Variants in DNAH5 observed in about 807,000 individuals in gnomAD.
The protein encoded by DNAH5 is axonemal beta dynein heavy chain 5.
A neutral mutation model predicts 518.2 loss-of-function variants in DNAH5; 372 were observed. The ratio of observed to expected loss-of-function variants is 0.72; its 90% CI spans 0.66 to 0.78. The LOEUF is 0.78. DNAH5 is among the 30% of genes least tolerant of loss of function. The pLI is 0.00. For missense variants in DNAH5, 5,523 were observed against 5,687.0 expected (o/e 0.97, Z 0.93); for synonymous variants, 2,039 against 2,025.9 (o/e 1.01, Z -0.17).
In DNAH5 at chr5:13,776,711, A is replaced by G; in HGVS notation, c.9106-5T>C. On this transcript the variant is annotated splice_region_variant and splice_polypyrimidine_tract_variant and intron_variant, in intron 54 of 78. Transcript: ENST00000265104. ...TCGAGCAAATAGGTTAGAGACCTTA[A>G]AAAGAAGTACAGGCATGCAAATTCA... 1 of 1,613,514 alleles carries G rather than the reference A, an allele frequency of 6.2e-7. No homozygotes were observed. The highest frequency in any genetic ancestry group is 8.5e-7 in the Non-Finnish European group (1 of 1,179,710).
intron 21 of DNAH5, among the ~76,000 whole-genome samples, chr5:13,881,479 C>T (rs897073361): frequency 2.6e-5 from 4 of 151,704 alleles, no homozygotes; most frequent in East Asian, 1.9e-4. Flanking sequence ...CCAAACCAAG[C>T]GTATGAAACT....
intron 3 of DNAH5, among the ~76,000 whole-genome samples, chr5:13,925,168 A>T (rs1211818517): frequency 6.6e-6 from 1 of 152,162 alleles, no homozygotes; most frequent in East Asian, 1.9e-4. Context: ...TCAAAATTGC[A>T]TCCCGCTCCT....
intron 1 of DNAH5, among the ~76,000 whole-genome samples, chr5:13,939,435 C>A (rs1580982371): frequency 1.3e-5 from 2 of 152,150 alleles, no homozygotes; most frequent in Non-Finnish European, 2.9e-5. Context: ...ACCTGCCTCC[C>A]GTTTTATTTT....
At chr5:13,776,274 T>C (rs1221829652) in intron 55 of DNAH5, among the ~76,000 whole-genome samples, 165 bp downstream of exon 55, 1 of 152,164 alleles carries the variant, frequency 6.6e-6, no homozygotes, top group Non-Finnish European at 1.5e-5. Flanking sequence ...CAAACCTACT[T>C]AAAAAGAACA....
Position 13,810,047 on chromosome 5 carries a change from A to T in DNAH5, c.7609+12T>A, listed in dbSNP as rs1473595224. On this transcript the variant is annotated intron_variant, in intron 45 of 78. Transcript: ENST00000265104. ...CCCCATGGGTTCCGTCTGGACGGGC[A>T]GGTGTCCTCACCATCGGGCGCCACA... 6.4e-7 allele frequency: 1 copy of T among 1,550,868 alleles called. No homozygotes were observed. Among genetic ancestry groups the T allele is most frequent in the African/African-American group, 1.4e-5 (1 of 73,216 alleles).
chr5:13,911,241 T>C, intron 12 of DNAH5, 145 bp downstream of exon 12: 1 of 689,634 alleles, frequency 1.5e-6, no homozygotes, highest in Middle Eastern at 2.4e-4. Context: ...TAATCTGAAA[T>C]CACGAAACAC....
At position 13,894,609 on chromosome 5, in the gene DNAH5, C is replaced by T; in HGVS notation, c.2431+41G>A. On this transcript the variant is annotated intron_variant, in intron 16 of 78. Coordinates refer to ENST00000265104, the MANE Select transcript of DNAH5 (RefSeq NM_001369.3). Reference sequence around the variant, plus strand: ...TATTCAACAGATGTTAGGAACTCAGCCTTTAGAATTCAGAAATACTAATTA... The same window carrying T: ...TATTCAACAGATGTTAGGAACTCAGTCTTTAGAATTCAGAAATACTAATTA... 3 of 1,596,862 alleles carry T rather than the reference C, an allele frequency of 1.9e-6. No individual in the cohort carries two copies. The South Asian group carries it at 3.3e-5, about 18-fold the overall frequency.
intron 31 of DNAH5, among the ~76,000 whole-genome samples, chr5:13,849,779 G>A (rs1766566571): frequency 6.6e-6 from 1 of 152,006 alleles, no homozygotes; most frequent in African/African-American, 2.4e-5. Context: ...CCTCTTACAG[G>A]TCTTTTTTCC....
intron 47 of DNAH5, among the ~76,000 whole-genome samples, chr5:13,800,071 G>T (rs546865627): frequency 2.6e-5 from 4 of 152,298 alleles, no homozygotes; most frequent in African/African-American, 9.6e-5. Flanking sequence ...AAGCAGGAGG[G>T]TGCTGGGAGG....
intron 75 of DNAH5, among the ~76,000 whole-genome samples, chr5:13,713,166 GAC>G (rs1204275002): frequency 1.8e-5 from 2 of 109,064 alleles, no homozygotes; most frequent in Admixed American, 2.0e-4. Flanking sequence ...TATATATACC[GAC>G]ATATATATAT....
chr5:13,867,853 G>C lies in DNAH5; in HGVS notation c.3974C>G (p.Pro1325Arg). The C allele has an allele frequency of 1.9e-6, 3 of 1,613,984 alleles. No homozygotes were observed. The change falls in exon 25 of 79, where the codon CCC (proline) becomes CGC (arginine). Residue 1325 changes from proline to arginine, a missense_variant. By Grantham distance (103) the Pro-to-Arg change is moderately radical (BLOSUM62 -2). Around this residue, in one of 3 missense-constraint regions of DNAH5, gnomAD observed 5,121 missense variants for 5,223.3 expected, o/e 0.98. Coordinates refer to ENST00000265104, the MANE Select transcript of DNAH5 (RefSeq NM_001369.3). ...EVQNKLVSLQ[P>R]SFKKELISAV... is the part of the protein sequence containing the mutation. Reference sequence around the variant, plus strand: ...ACTAATAAGCTCTTTCTTGAAACTGGGCTGCAGTGAGACTAATTTATTCTG... The same window carrying C: ...ACTAATAAGCTCTTTCTTGAAACTGCGCTGCAGTGAGACTAATTTATTCTG...
At chr5:13,872,273 C>T (rs950783553) in intron 22 of DNAH5, among the ~76,000 whole-genome samples, 1 of 152,094 alleles carries the variant, frequency 6.6e-6, no homozygotes, top group Non-Finnish European at 1.5e-5. Context: ...ATCTTAGGGG[C>T]ATGAAGGACA....
chr5:13,776,378 C>T lies in DNAH5; in HGVS notation c.9373+61G>A, dbSNP rs34413787. ...GCTGAGGCAGAGCCTTCAAGCATCC[C>T]TGAAAGAACTAGAATCCTTGAACAC... On this transcript the variant is annotated intron_variant, in intron 55 of 78. Transcript: ENST00000265104. 0.35 allele frequency: 560,254 copies of T among 1,607,064 alleles called. 99,723 individuals carry two copies. Among genetic ancestry groups the T allele is most frequent in the Middle Eastern group, 0.4 (2,404 of 6,040 alleles).
In DNAH5 at chr5:13,776,717, A is replaced by G; in HGVS notation, c.9106-11T>C. On this transcript the variant is annotated splice_polypyrimidine_tract_variant and intron_variant, in intron 54 of 78. Coordinates refer to ENST00000265104, the MANE Select transcript of DNAH5 (RefSeq NM_001369.3). ...AAATAGGTTAGAGACCTTAAAAAGA[A>G]GTACAGGCATGCAAATTCAGTACAC... The G allele has an allele frequency of 6.2e-7, 1 of 1,613,456 alleles. No individual in the cohort carries two copies. The highest frequency in any genetic ancestry group is 8.5e-7 in the Non-Finnish European group (1 of 1,179,696).
chr5:13,775,957 C>T (rs541753527), intron 55 of DNAH5, among the ~76,000 whole-genome samples: 2 of 145,878 alleles, frequency 1.4e-5, no homozygotes, highest in Non-Finnish European at 3.0e-5. Flanking sequence ...CAGACAATTT[C>T]TCACCAAAAG....
At chr5:14,003,218 A>C (rs1784483577) in intron 1 of DNAH5, among the ~76,000 whole-genome samples, 1 of 152,262 alleles carries the variant, frequency 6.6e-6, no homozygotes, top group South Asian at 2.1e-4. Flanking sequence ...AATCTGAAGA[A>C]GAAAACATCA....
chr5:13,721,064 T>A lies in DNAH5; in HGVS notation c.12215A>T (p.Tyr4072Phe). 3 of 1,614,128 alleles carry A rather than the reference T, an allele frequency of 1.9e-6. No homozygotes were observed. The highest frequency in any genetic ancestry group is 2.5e-6 in the Non-Finnish European group (3 of 1,179,990). The change falls in exon 71 of 79, where the codon TAT (tyrosine) becomes TTT (phenylalanine). Residue 4072 changes from tyrosine (Y) to phenylalanine (F), a missense_variant. Coordinates refer to ENST00000265104, the MANE Select transcript of DNAH5 (RefSeq NM_001369.3). ...TTCCTGGCCCTGGCCCATGGACACA[T>A]AACGGGTTTCTATTTTTAATCTCTT... ...LGKRLKIETRYVSMGQGQEVH... is the reference protein window; with the variant it reads ...LGKRLKIETRFVSMGQGQEVH...
chr5:13,756,063 C>T (rs372755252), intron 61 of DNAH5, among the ~76,000 whole-genome samples: 3 of 152,322 alleles, frequency 2.0e-5, no homozygotes, highest in East Asian at 3.9e-4. Context: ...TCCTCAGGCC[C>T]ACTCTCTCAT....
chr5:13,852,178 TGTTTCTGTGATGGA>T, intron 30 of DNAH5, among the ~76,000 whole-genome samples: 1 of 152,244 alleles, frequency 6.6e-6, no homozygotes, highest in African/African-American at 2.4e-5. Context: ...TTTTGTTTTT[TGTTTCTGTGATGGA>T]GTTTCGCTCT....
Sources: allele counts gnomAD v4.1 joint callset (sites outside exome capture counted in the v4.1 genomes callset), GRCh38; gene constraint gnomAD v4.1.1; regional missense constraint gnomAD v4.1.1; transcripts MANE v1.5; gene names NCBI Gene and HGNC (gene_info 2026-07-23, HGNC 2026-07-21).